The following PSEN2 variants were observed in gnomAD, a reference collection of about 807,000 sequenced individuals.
PSEN2 encodes presenilin-2.
In PSEN2, 32 loss-of-function variants were observed where a neutral mutation model predicts 49.1. The ratio of observed to expected loss-of-function variants is 0.65; its 90% confidence interval spans 0.49 to 0.88. The LOEUF is 0.88. PSEN2 is among the 40% of genes least tolerant of loss of function. The pLI, the probability that PSEN2 is intolerant of heterozygous loss-of-function variation, is 0.00. For synonymous variants in PSEN2, 255 were observed against 244.0 expected (o/e 1.05, Z -0.42); for missense variants, 522 against 586.9 (o/e 0.89, Z 1.14).
chr1:226,874,125 T>G (rs1344501079), intron 2 of PSEN2, among the ~76,000 whole-genome samples: 2 of 152,184 alleles, frequency 1.3e-5, no homozygotes, highest in African/African-American at 4.8e-5. Context: ...AGTGAGTGAT[T>G]AGGGAGCATT....
At position 226,894,104 on chromosome 1, in the gene PSEN2, C is replaced by T. The variant is rs1661948596; in HGVS notation, c.1170C>T (p.Ala390=). The change falls in exon 12 of 13, where the codon GCC becomes GCT. Residue 390 remains alanine (A), a synonymous_variant. Coordinates refer to ENST00000366783, the MANE Select transcript of PSEN2 (RefSeq NM_000447.3). ...GCGGGGACTGGAATACCACGCTGGC[C>T]TGCTTCGTGGCCATCCTCATTGTGA... ...TGSGDWNTTL[A]CFVAILIGLC... 6.2e-7 allele frequency: 1 copy of T among 1,614,028 alleles called. No homozygotes were observed. The highest frequency in any genetic ancestry group is 1.7e-5 in the Admixed American group (1 of 60,006).
rs1661655706 is a variant in PSEN2, at chr1:226,890,233, G to A, written c.886+100G>A. On this transcript the variant is annotated intron_variant, in intron 9 of 12. Coordinates refer to ENST00000366783, the MANE Select transcript of PSEN2 (RefSeq NM_000447.3). The stretch of plus-strand genomic sequence containing the variant: ...TGGCCGTGGCTTTCAGAGTTGACTG[G>A]GCGATCCCAGGAGGGTCTCCACTTT... 6 of 971,910 alleles carry A rather than the reference G, an allele frequency of 6.2e-6. No homozygotes were observed. In the Admixed American group the frequency reaches 8.6e-5, roughly 14 times the overall value. The allele number at this position is 971,910 out of a possible 1,614,324, so 60.2% of individuals were successfully genotyped here.
At chr1:226,874,062 C>A (rs75764929) in intron 2 of PSEN2, among the ~76,000 whole-genome samples, 3,484 of 152,268 alleles carry the variant, frequency 0.023, 86 homozygotes, top group South Asian at 0.06. Context: ...GCAGAGTGAG[C>A]CCTGGGGGCA....
intron 8 of PSEN2, among the ~76,000 whole-genome samples, chr1:226,889,546 A>T (rs1187790640): frequency 2.0e-5 from 3 of 152,168 alleles, no homozygotes; most frequent in Admixed American, 1.3e-4. Flanking sequence ...AAGTACTGGG[A>T]TTACAGGCAT....
intron 3 of PSEN2, among the ~76,000 whole-genome samples, chr1:226,881,315 G>A (rs1418589546): frequency 1.3e-5 from 2 of 152,130 alleles, no homozygotes; most frequent in Non-Finnish European, 1.5e-5. Context: ...CACAGTGTGA[G>A]GCCCTCACTG....
intron 3 of PSEN2, among the ~76,000 whole-genome samples, chr1:226,875,919 T>C (rs544298463): frequency 1.3e-5 from 2 of 152,368 alleles, no homozygotes; most frequent in African/African-American, 4.8e-5. Context: ...CCAAAGCAGC[T>C]ATCAGCCTCA....
At chr1:226,885,406 C>T in intron 5 of PSEN2, 132 bp from the exon 6 acceptor site, 1 of 1,004,916 alleles carries the variant, frequency 1.0e-6, no homozygotes, top group Non-Finnish European at 1.5e-6. Context: ...GGTGCCCGCA[C>T]TCCATCAGGG....
intron 2 of PSEN2, among the ~76,000 whole-genome samples, chr1:226,873,342 G>C (rs979938977): frequency 6.6e-6 from 1 of 152,162 alleles, no homozygotes; most frequent in Non-Finnish European, 1.5e-5. Context: ...CCACCATTCT[G>C]CTGTACCTTA....
At chr1:226,895,086 TA>T (rs1662040872) in intron 12 of PSEN2, among the ~76,000 whole-genome samples, 1 of 152,172 alleles carries the variant, frequency 6.6e-6, no homozygotes, top group Non-Finnish European at 1.5e-5. Context: ...CTAGCTCTCA[TA>T]TAAATACATG....
intron 3 of PSEN2, among the ~76,000 whole-genome samples, chr1:226,878,911 A>G (rs1182664236): frequency 1.3e-5 from 2 of 152,200 alleles, no homozygotes; most frequent in Non-Finnish European, 2.9e-5. Context: ...AGTAAGAGTG[A>G]ATTCCCCATT....
intron 9 of PSEN2, chr1:226,891,040 A>G: frequency 1.8e-6 from 1 of 562,418 alleles, no homozygotes; most frequent in Non-Finnish European, 3.2e-6. Flanking sequence ...TGGCTCTGAT[A>G]GACCTGGTTC....
At chr1:226,879,155 A>C (rs1660817385) in intron 3 of PSEN2, among the ~76,000 whole-genome samples, 1 of 152,294 alleles carries the variant, frequency 6.6e-6, no homozygotes, top group South Asian at 2.1e-4. Context: ...TACAGGCGTG[A>C]GCCGAGCCAC....
At chr1:226,898,604 C>T (rs1472296378), downstream of PSEN2, 1 of 152,066 alleles carries the variant, frequency 6.6e-6, no homozygotes, top group African/African-American at 2.4e-5. Flanking sequence ...TACAAGGTTC[C>T]TTCTCTGTTC....
rs763295042 is a variant in PSEN2, at chr1:226,888,936, T to C, written c.674T>C (p.Leu225Pro). 1.2e-6 allele frequency: 2 copies of C among 1,614,196 alleles called. No individual in the cohort carries two copies. The highest frequency in any genetic ancestry group is 2.2e-5 in the East Asian group (1 of 44,886). ...GMVCIHWKGPLVLQQAYLIMI... is the reference protein window; with the variant it reads ...GMVCIHWKGPPVLQQAYLIMI... ...GTGTGCATCCACTGGAAGGGCCCTC[T>C]GGTGCTGCAGCAGGCCTACCTCATC... Residue 225 changes from leucine (L) to proline (P), a missense_variant, in exon 8 of 13, where the codon CTG (leucine) becomes CCG (proline). Physicochemically the swap from Leu to Pro is moderately conservative, Grantham distance 98. Coordinates refer to ENST00000366783, the MANE Select transcript of PSEN2 (RefSeq NM_000447.3).
chr1:226,881,875 C>T lies in PSEN2; in HGVS notation c.-20-13C>T, dbSNP rs746956724. 3 of 1,614,236 alleles carry T rather than the reference C, an allele frequency of 1.9e-6. No homozygotes were observed. The highest frequency in any genetic ancestry group is 1.7e-6 in the Non-Finnish European group (2 of 1,180,030). On this transcript the variant is annotated splice_polypyrimidine_tract_variant and intron_variant, in intron 3 of 12. Transcript: ENST00000366783. ...AGGAAAGTGGAACAAGGTCCTTGTG[C>T]TCCTTTTTCCAGGTGCTTCCAGAGG... is the stretch of plus-strand genomic sequence containing the variant.
intron 3 of PSEN2, among the ~76,000 whole-genome samples, chr1:226,876,516 A>T (rs907563492): frequency 4.6e-5 from 7 of 151,994 alleles, no homozygotes; most frequent in African/African-American, 1.4e-4. Flanking sequence ...CTACAGATAC[A>T]GTCTGTGTTT....
rs1571974418 is a variant in PSEN2, at chr1:226,895,415, G to A, written c.1192-9G>A. Reference sequence around the variant, plus strand: ...TCACCACGCTCACCCTCCCCTCCATGTCCTGCAGGGCTTGTGTCTGACCCT... The same window carrying A: ...TCACCACGCTCACCCTCCCCTCCATATCCTGCAGGGCTTGTGTCTGACCCT... On this transcript the variant is annotated splice_polypyrimidine_tract_variant and intron_variant, in intron 12 of 12. Transcript: ENST00000366783. 2 of 1,613,944 alleles carry A rather than the reference G, an allele frequency of 1.2e-6. No homozygotes were observed. The highest frequency in any genetic ancestry group is 1.7e-6 in the Non-Finnish European group (2 of 1,179,972).
chr1:226,877,019 G>A (rs16846590), intron 3 of PSEN2, among the ~76,000 whole-genome samples: 3,475 of 152,162 alleles, frequency 0.023, 87 homozygotes, highest in South Asian at 0.059. Context: ...CCAGACTCTA[G>A]GTATTCAGGA....
intron 2 of PSEN2, among the ~76,000 whole-genome samples, chr1:226,875,043 G>T (rs1374425144): frequency 6.6e-6 from 1 of 152,182 alleles, no homozygotes; most frequent in Non-Finnish European, 1.5e-5. Flanking sequence ...AGGCACTTCT[G>T]AGTGGGACAG....
Sources: gnomAD v4.1 joint callset for allele counts (sites outside exome capture counted in the v4.1 genomes callset) on GRCh38, gnomAD v4.1.1 for gene constraint, MANE v1.5 for transcripts, NCBI Gene and HGNC (gene_info 2026-07-23, HGNC 2026-07-21) for gene names.